The following SGIP1 variants were observed in gnomAD, a reference collection of about 807,000 sequenced individuals.
SGIP1 encodes the protein SH3-containing GRB2-like protein 3-interacting protein 1.
A neutral mutation model predicts 107.5 loss-of-function variants in SGIP1; 38 were observed. The ratio of observed to expected loss-of-function variants is 0.35; its 90% CI spans 0.27 to 0.46. SGIP1 has a LOEUF of 0.46. Among genes scored for constraint, SGIP1 ranks in the 20% least tolerant of loss-of-function variants. The probability of loss-of-function intolerance (pLI) is 1.00; values close to 1 mark genes in which losing one functional copy is unlikely to be tolerated. For missense variants in SGIP1, 929 were observed against 1,019.5 expected (o/e 0.91, Z 1.21); for synonymous variants, 365 against 366.1 (o/e 1.00, Z 0.03).
chr1:66,728,131 G>A (rs1043344576), intron 19 of SGIP1, among the ~76,000 whole-genome samples: 3 of 152,028 alleles, frequency 2.0e-5, no homozygotes, highest in African/African-American at 7.2e-5. Context: ...TGACCAAATA[G>A]ACAAATTAAT....
At chr1:66,546,448 C>T (rs1210996559) in intron 1 of SGIP1, among the ~76,000 whole-genome samples, 3 of 152,200 alleles carry the variant, frequency 2.0e-5, no homozygotes, top group African/African-American at 7.2e-5. Context: ...ACCACTACTA[C>T]AGTTTGTTGA....
intron 1 of SGIP1, among the ~76,000 whole-genome samples, chr1:66,605,515 G>A (rs571923409): frequency 1.3e-5 from 2 of 151,942 alleles, no homozygotes; most frequent in South Asian, 4.2e-4. Flanking sequence ...TAAGGGGATT[G>A]ATGCCTCAGT....
Position 66,608,153 on chromosome 1 carries a change from C to G in SGIP1, c.11-17694C>G, listed in dbSNP as rs2067213473. On this transcript the variant is annotated intron_variant, in intron 1 of 24. Transcript: ENST00000371037. ...GCCATGTTGGCAAATTGCAGGACTT[C>G]TCAGAGAGGTCTTCCTCATCTGCAA... is the stretch of plus-strand genomic sequence containing the variant. 2.0e-5 allele frequency among the ~76,000 whole-genome samples: 3 copies of G among 152,350 alleles called. No individual in the cohort carries two copies. The South Asian group carries it at 6.2e-4, about 32-fold the overall frequency.
chr1:66,650,136 C>T (rs2078452791), intron 7 of SGIP1, among the ~76,000 whole-genome samples: 1 of 152,126 alleles, frequency 6.6e-6, no homozygotes, highest in South Asian at 2.1e-4. Context: ...AGAGCCAAGA[C>T]CAGTAATTAA....
intron 1 of SGIP1, among the ~76,000 whole-genome samples, chr1:66,590,260 G>A (rs1162035016): frequency 1.3e-5 from 2 of 152,052 alleles, no homozygotes; most frequent in East Asian, 3.9e-4. Flanking sequence ...TACTTACTTT[G>A]GAGATAAAAA....
At chr1:66,577,856 A>G (rs964421993) in intron 1 of SGIP1, among the ~76,000 whole-genome samples, 5 of 151,798 alleles carry the variant, frequency 3.3e-5, no homozygotes, top group African/African-American at 9.7e-5. Flanking sequence ...AGGCTCAACC[A>G]TAGGTTACAT....
chr1:66,681,287 T>A (rs1310665792), intron 14 of SGIP1, among the ~76,000 whole-genome samples: 1 of 152,144 alleles, frequency 6.6e-6, no homozygotes, highest in Non-Finnish European at 1.5e-5. Context: ...CTGGTGTTTT[T>A]TAAGGTTGAG....
chr1:66,683,319 T>G (rs544876951), intron 15 of SGIP1, among the ~76,000 whole-genome samples: 1 of 152,336 alleles, frequency 6.6e-6, no homozygotes, highest in African/African-American at 2.4e-5. Context: ...GTATTTGTTT[T>G]TCCTTTTGCT....
rs990980514 is a variant in SGIP1 at position 66,750,709 on chromosome 1, C to T, written c.*7614C>T. Among the ~76,000 whole-genome samples the T allele has an allele frequency of 2.6e-5, 4 of 152,176 alleles. No homozygotes were observed. The highest frequency in any genetic ancestry group is 4.4e-5 in the Non-Finnish European group (3 of 68,028). ...TTTCTGACAGCCATTACTGCTTAGTCTGTAATGAAAGCTTTACTGCTTCTA... is the reference window on the plus strand; with the variant it reads ...TTTCTGACAGCCATTACTGCTTAGTTTGTAATGAAAGCTTTACTGCTTCTA... On this transcript the variant is annotated 3_prime_UTR_variant, in exon 25 of 25. Coordinates refer to ENST00000371037, the MANE Select transcript of SGIP1 (RefSeq NM_032291.4).
chr1:66,536,207 T>G (rs1032219059), intron 1 of SGIP1, among the ~76,000 whole-genome samples: 1 of 150,994 alleles, frequency 6.6e-6, no homozygotes, highest in African/African-American at 2.4e-5. Context: ...TTTGCCAAAT[T>G]TATCTAATGA....
At chr1:66,698,277 GTTTTAC>G (rs1023349359) in intron 18 of SGIP1, among the ~76,000 whole-genome samples, 4 of 151,162 alleles carry the variant, frequency 2.6e-5, no homozygotes, top group African/African-American at 7.3e-5. Context: ...TTTTCTGAAT[GTTTTAC>G]TTTTAGAAAC....
intron 1 of SGIP1, among the ~76,000 whole-genome samples, chr1:66,619,844 C>T (rs1038774227): frequency 3.3e-5 from 5 of 152,248 alleles, no homozygotes; most frequent in Middle Eastern, 3.4e-3. Context: ...TCTACAGAAA[C>T]AGTCTTCATT....
At chr1:66,613,450 C>A (rs2068478703) in intron 1 of SGIP1, among the ~76,000 whole-genome samples, 1 of 152,190 alleles carries the variant, frequency 6.6e-6, no homozygotes. Flanking sequence ...CCACCTCAGC[C>A]TCCCAAGTAG....
intron 18 of SGIP1, among the ~76,000 whole-genome samples, chr1:66,705,573 T>C (rs1179968440): frequency 6.6e-6 from 1 of 152,134 alleles, no homozygotes; most frequent in Non-Finnish European, 1.5e-5. Flanking sequence ...GCCCATTTGC[T>C]ATGAAACTAG....
At chr1:66,587,637 C>T (rs925016163) in intron 1 of SGIP1, among the ~76,000 whole-genome samples, 1 of 152,042 alleles carries the variant, frequency 6.6e-6, no homozygotes, top group Non-Finnish European at 1.5e-5. Flanking sequence ...TCCTAGACTG[C>T]CAGTGCTTAT....
intron 1 of SGIP1, among the ~76,000 whole-genome samples, chr1:66,609,049 T>TATCCCACA (rs1553253355): frequency 3.9e-5 from 6 of 152,144 alleles, no homozygotes; most frequent in African/African-American, 7.2e-5. Context: ...AGGTCACTTT[T>TATCCCACA]GACACTTGAG....
chr1:66,671,710 G>T (rs2083857615), intron 10 of SGIP1, among the ~76,000 whole-genome samples: 1 of 152,178 alleles, frequency 6.6e-6, no homozygotes, highest in African/African-American at 2.4e-5. Context: ...TTGATGGCTT[G>T]TCACGGAAGT....
chr1:66,606,550 GA>G (rs1345486391), intron 1 of SGIP1, among the ~76,000 whole-genome samples: 1 of 152,188 alleles, frequency 6.6e-6, no homozygotes. Context: ...AGACATGACA[GA>G]GGGCTTGGCT....
Position 66,690,176 on chromosome 1 carries a change from T to C in SGIP1, c.1444-14T>C, listed in dbSNP as rs1421159825. ...TGTGTATCTAACTTTTCATCTCTTT[T>C]CTTCTCCTTACAGTCCAGACCTTTT... On this transcript the variant is annotated splice_polypyrimidine_tract_variant and intron_variant, in intron 16 of 24. Coordinates refer to ENST00000371037, the MANE Select transcript of SGIP1 (RefSeq NM_032291.4). 6 of 1,600,450 alleles carry C rather than the reference T, an allele frequency of 3.7e-6. No homozygotes were observed. Among genetic ancestry groups the C allele is most frequent in the Non-Finnish European group, 4.3e-6 (5 of 1,173,182 alleles).
Sources: allele counts gnomAD v4.1 joint callset (sites outside exome capture counted in the v4.1 genomes callset), GRCh38; gene constraint gnomAD v4.1.1; transcripts MANE v1.5; gene names NCBI Gene and HGNC (gene_info 2026-07-23, HGNC 2026-07-21).